ABCG8: variants seen among roughly 807,000 people sequenced by gnomAD.
ABCG8 encodes the protein ATP-binding cassette sub-family G member 8.
ABCG8 carries 81 observed loss-of-function variants against 71.3 expected under a neutral mutation model. The observed-to-expected ratio is 1.14, with a 90% CI of 0.95 to 1.37. The LOEUF is 1.37. Ranked by LOEUF, ABCG8 falls within the 40% of genes most tolerant of loss-of-function variation. The pLI is 0.00. For missense variants in ABCG8, 1,119 were observed against 866.2 expected, an observed-to-expected ratio of 1.29 and a Z score of -3.66; for synonymous variants, 451 against 354.7, an observed-to-expected ratio of 1.27 and a Z score of -3.05.
Position 43,846,219 on chromosome 2 carries a change from C to A in ABCG8, c.230C>A (p.Ser77Tyr). Residue 77 changes from serine to tyrosine, a missense_variant, in exon 3 of 13, where the codon TCT becomes TAT. Coordinates refer to ENST00000272286, the MANE Select transcript of ABCG8 (RefSeq NM_022437.3). ...QLAQFKMPWT[S>Y]PSCQNSCELG... ...GCTCAGTTCAAGATGCCCTGGACAT[C>A]TCCCAGCTGCCAGAATTCTTGTGAG... 1 of 1,614,202 alleles carries A rather than the reference C, an allele frequency of 6.2e-7. No homozygotes were observed. Among genetic ancestry groups the A allele is most frequent in the Admixed American group, 1.7e-5 (1 of 60,024 alleles).
At chr2:43,853,724 C>A (rs893569515) in intron 6 of ABCG8, among the ~76,000 whole-genome samples, 1 of 152,220 alleles carries the variant, frequency 6.6e-6, no homozygotes, top group South Asian at 2.1e-4. Context: ...CCATCTCCAT[C>A]TTTACAGATG....
At chr2:43,859,157 C>G (rs1439697162) in intron 6 of ABCG8, among the ~76,000 whole-genome samples, 1 of 151,290 alleles carries the variant, frequency 6.6e-6, no homozygotes, top group Non-Finnish European at 1.5e-5. Flanking sequence ...GGATAGAATT[C>G]TCACTCTGTG....
At chr2:43,871,794 G>T (rs1442406807) in intron 6 of ABCG8, among the ~76,000 whole-genome samples, 182 bp from the exon 7 acceptor site, 2 of 152,234 alleles carry the variant, frequency 1.3e-5, no homozygotes, top group African/African-American at 4.8e-5. Context: ...TGAAGGACCA[G>T]CCCTTGGGGT....
Position 43,882,318 on chromosome 2 carries a change from T to C in ABCG8, c.*4405T>C, listed in dbSNP as rs1670154792. On this transcript the variant is annotated 3_prime_UTR_variant, in exon 13 of 13. Coordinates refer to ENST00000272286, the MANE Select transcript of ABCG8 (RefSeq NM_022437.3). ...AACTAGCAACAGAAATGTTCAAATC[T>C]GTCAAATCCAAGTGTTAACAGACCT... The C allele has an allele frequency of 6.6e-6, 1 of 152,236 alleles. No homozygotes were observed. The highest frequency in any genetic ancestry group is 1.5e-5 in the Non-Finnish European group (1 of 68,042). 9.4% of individuals were successfully genotyped at this position (152,236 alleles called of 1,614,324 possible).
chr2:43,846,490 T>A, intron 3 of ABCG8, 179 bp downstream of exon 3: 1 of 908,224 alleles, frequency 1.1e-6, no homozygotes, highest in East Asian at 2.7e-5. Context: ...CTCCTCCATT[T>A]GCTGGCTTGA....
intron 6 of ABCG8, among the ~76,000 whole-genome samples, chr2:43,867,790 G>A (rs1004152654): frequency 2.0e-5 from 3 of 150,752 alleles, no homozygotes; most frequent in African/African-American, 7.3e-5. Context: ...TCACCATCTG[G>A]ATAGAACTGT....
intron 6 of ABCG8, among the ~76,000 whole-genome samples, chr2:43,859,624 T>C (rs1279206190): frequency 6.6e-6 from 1 of 151,336 alleles, no homozygotes; most frequent in African/African-American, 2.4e-5. Context: ...TGGATAGAAC[T>C]CTCACTATCT....
chr2:43,853,698 C>A (rs543902370), intron 6 of ABCG8, among the ~76,000 whole-genome samples: 1 of 152,302 alleles, frequency 6.6e-6, no homozygotes, highest in East Asian at 1.9e-4. Flanking sequence ...ACTCTCAAGC[C>A]CCGGCCAGGC....
chr2:43,863,832 C>G (rs1434336172), intron 6 of ABCG8, among the ~76,000 whole-genome samples: 1 of 151,220 alleles, frequency 6.6e-6, no homozygotes, highest in Non-Finnish European at 1.5e-5. Flanking sequence ...AATTCTCACT[C>G]TCTGGATAGA....
chr2:43,852,902 C>G, intron 6 of ABCG8, 34 bp downstream of exon 6: 2 of 1,609,152 alleles, frequency 1.2e-6, no homozygotes, highest in Non-Finnish European at 1.7e-6. Context: ...AGGGCCCTGG[C>G]ACACAGGGCC....
In ABCG8 at chr2:43,852,593, G is replaced by C. The variant is rs771126998; in HGVS notation, c.695-6G>C. ...GACTCACCAGGCTCCTCTCTGTGTT[G>C]GAAAGGAATCCTTATTCTCGACGAA... On this transcript the variant is annotated splice_region_variant and splice_polypyrimidine_tract_variant and intron_variant, in intron 5 of 12. Transcript: ENST00000272286. The C allele has an allele frequency of 6.2e-6, 10 of 1,614,132 alleles. No homozygotes were observed. The highest frequency in any genetic ancestry group is 8.5e-6 in the Non-Finnish European group (10 of 1,180,016).
chr2:43,866,395 A>G (rs566148439), intron 6 of ABCG8, among the ~76,000 whole-genome samples: 48 of 152,312 alleles, frequency 3.2e-4, no homozygotes, highest in African/African-American at 1.1e-3. Context: ...AACTACCATC[A>G]GAGTGAACAG....
At chr2:43,874,589 G>A (rs1572866899) in intron 10 of ABCG8, 106 bp downstream of exon 10, 1 of 945,338 alleles carries the variant, frequency 1.1e-6, no homozygotes, top group East Asian at 2.4e-5. Flanking sequence ...TGGGGCCGTG[G>A]GTCATGTGAA....
intron 6 of ABCG8, among the ~76,000 whole-genome samples, chr2:43,854,350 G>A (rs951199077): frequency 5.3e-5 from 8 of 152,146 alleles, no homozygotes; most frequent in African/African-American, 1.2e-4. Flanking sequence ...AGGAAGGGCC[G>A]GGTGCAGTGG....
intron 11 of ABCG8, among the ~76,000 whole-genome samples, chr2:43,876,062 C>G (rs1258071193): frequency 6.6e-6 from 1 of 152,178 alleles, no homozygotes; most frequent in Admixed American, 6.5e-5. Flanking sequence ...CTCCCCATAC[C>G]ATGCCACCTC....
chr2:43,843,324 A>G (rs1668639846), intron 1 of ABCG8, among the ~76,000 whole-genome samples: 1 of 152,214 alleles, frequency 6.6e-6, no homozygotes, highest in South Asian at 2.1e-4. Flanking sequence ...TGAGGAGGAA[A>G]GTCTATGGGA....
In ABCG8 at chr2:43,877,586, C is replaced by T. The variant is rs139835626; in HGVS notation, c.1782C>T (p.Ser594=). The T allele has an allele frequency of 6.5e-4, 1,049 of 1,614,096 alleles. 7 individuals carry two copies. The African/African-American group carries it at 0.011, about 18-fold the overall frequency. Residue 594 remains serine, a synonymous_variant, in exon 12 of 13, where the codon TCC becomes TCT. Coordinates refer to ENST00000272286, the MANE Select transcript of ABCG8 (RefSeq NM_022437.3). ...TGCCCGCGTGGATTTCCAAAGTGTC[C>T]TTCCTGCGGTGGTGTTTTGAAGGGC... ...WTVPAWISKV[S]FLRWCFEGLM...
rs368535700 is a variant in ABCG8 at position 43,875,819 on chromosome 2, G to A, written c.1756+406G>A. Among the ~76,000 whole-genome samples, 9 of 151,800 alleles carry A rather than the reference G, an allele frequency of 5.9e-5. No homozygotes were observed. In the East Asian group the frequency reaches 7.8e-4, roughly 13 times the overall value. ...TCCACATCCCTCTCGACTCAGCCACGCAGAGTGAGCTTTCCAAGGTGCAAA... is the reference window on the plus strand; with the variant it reads ...TCCACATCCCTCTCGACTCAGCCACACAGAGTGAGCTTTCCAAGGTGCAAA... On this transcript the variant is annotated intron_variant, in intron 11 of 12. Coordinates refer to ENST00000272286, the MANE Select transcript of ABCG8 (RefSeq NM_022437.3).
intron 3 of ABCG8, among the ~76,000 whole-genome samples, chr2:43,849,753 G>GT (rs1668856614): frequency 6.6e-6 from 1 of 152,084 alleles, no homozygotes; most frequent in African/African-American, 2.4e-5. Flanking sequence ...TCTCTCCCAG[G>GT]TTTCTCTCCT....
Sources: gnomAD v4.1 joint callset for allele counts (sites outside exome capture counted in the v4.1 genomes callset) on GRCh38, gnomAD v4.1.1 for gene constraint, MANE v1.5 for transcripts, NCBI Gene and HGNC (gene_info 2026-07-23, HGNC 2026-07-21) for gene names.